The following VSX2 variants were observed in gnomAD, a reference collection of about 807,000 sequenced individuals.
The protein encoded by VSX2 is ceh-10 homeo domain containing homolog.
VSX2 carries 28 observed loss-of-function variants against 32.1 expected under a neutral mutation model. The observed-to-expected ratio is 0.87, with a 90% CI of 0.65 to 1.20. The LOEUF is 1.20. VSX2 is among the 50% of genes most tolerant of loss of function. The pLI is 0.00. For missense variants in VSX2, 506 were observed against 488.7 expected, an observed-to-expected ratio of 1.04 and a Z score of -0.33; for synonymous variants, 243 against 214.1, an observed-to-expected ratio of 1.14 and a Z score of -1.18.
Position 74,239,515 on chromosome 14 carries a change from G to T in VSX2, c.-47G>T. The T allele has an allele frequency of 1.9e-6, 3 of 1,549,256 alleles. No homozygotes were observed. Among genetic ancestry groups the T allele is most frequent in the South Asian group, 1.2e-5 (1 of 83,960 alleles). ...AAGCGGGAAGCCCGGCGGGGGGGTG[G>T]GGGGAGCTAAAGACCTGCGGCCTCA... is the stretch of plus-strand genomic sequence containing the variant. On this transcript the variant is annotated 5_prime_UTR_variant, in exon 1 of 5. Coordinates refer to ENST00000261980, the MANE Select transcript of VSX2 (RefSeq NM_182894.3).
At chr14:74,248,346 A>AC (rs1280075805) in intron 3 of VSX2, among the ~76,000 whole-genome samples, 2 of 139,078 alleles carry the variant, frequency 1.4e-5, no homozygotes, top group African/African-American at 2.6e-5. Flanking sequence ...AAAAAAAAAA[A>AC]AAAAACAAAA....
chr14:74,260,427 C>T (rs1423166550), intron 4 of VSX2, among the ~76,000 whole-genome samples, 167 bp from the exon 5 acceptor site: 3 of 152,218 alleles, frequency 2.0e-5, no homozygotes, highest in Non-Finnish European at 4.4e-5. Flanking sequence ...GACCCATCTC[C>T]CCATTCCCTG....
At position 74,245,172 on chromosome 14, in the gene VSX2, T is replaced by C. The variant is rs752801719; in HGVS notation, c.463T>C (p.Phe155Leu). ...CGGTCTTGCTCCCCTCAGGACAATC[T>C]TTACCTCCTACCAGCTAGAGGAGCT... Reference protein sequence around the residue: ...KRKKRRHRTIFTSYQLEELEK... With the variant: ...KRKKRRHRTILTSYQLEELEK... The change falls in exon 3 of 5, where the codon TTT (phenylalanine) becomes CTT (leucine). Residue 155 changes from phenylalanine to leucine, a missense_variant. By Grantham distance (22) the Phe-to-Leu change is conservative. Coordinates refer to ENST00000261980, the MANE Select transcript of VSX2 (RefSeq NM_182894.3). 6.2e-7 allele frequency: 1 copy of C among 1,613,652 alleles called. No homozygotes were observed. Among genetic ancestry groups the C allele is most frequent in the South Asian group, 1.1e-5 (1 of 91,032 alleles).
intron 2 of VSX2, among the ~76,000 whole-genome samples, chr14:74,244,925 T>TGA (rs1161610243): frequency 2.7e-3 from 115 of 42,006 alleles, no homozygotes; most frequent in East Asian, 0.022. Context: ...TGTGTGTGTG[T>TGA]GTGTGAAAGA....
chr14:74,248,341 A>AAC (rs1555387992), intron 3 of VSX2, among the ~76,000 whole-genome samples: 4 of 139,204 alleles, frequency 2.9e-5, no homozygotes, highest in African/African-American at 1.0e-4. Flanking sequence ...GGCTAAAAAA[A>AAC]AAAAAAAAAA....
At chr14:74,246,588 T>C (rs909110001) in intron 3 of VSX2, among the ~76,000 whole-genome samples, 2 of 152,178 alleles carry the variant, frequency 1.3e-5, no homozygotes, top group African/African-American at 4.8e-5. Flanking sequence ...AAGCTGGGCG[T>C]TGATGTTGAA....
chr14:74,241,305 AC>A, intron 2 of VSX2, 39 bp downstream of exon 2: 2 of 1,596,820 alleles, frequency 1.3e-6, no homozygotes. Context: ...CTGCCCGCGC[AC>A]CCCGCTGCCG....
chr14:74,251,192 G>C (rs565130648), intron 3 of VSX2, among the ~76,000 whole-genome samples: 1 of 152,176 alleles, frequency 6.6e-6, no homozygotes, highest in Admixed American at 6.5e-5. Flanking sequence ...GCTCACACCT[G>C]TAATCCCAGC....
chr14:74,239,540 A>T lies in VSX2; in HGVS notation c.-22A>T. 1 of 1,550,636 alleles carries T rather than the reference A, an allele frequency of 6.4e-7. No individual in the cohort carries two copies. ...GGGGGAGCTAAAGACCTGCGGCCTC[A>T]GCCCCTCCAAAGAACAGGGAGATGA... On this transcript the variant is annotated 5_prime_UTR_variant, in exon 1 of 5. Transcript: ENST00000261980.
intron 3 of VSX2, among the ~76,000 whole-genome samples, chr14:74,246,626 T>C (rs944965518): frequency 1.3e-5 from 2 of 152,228 alleles, no homozygotes; most frequent in Non-Finnish European, 2.9e-5. Flanking sequence ...TGTGCGTGTG[T>C]GTAAGCCAAG....
intron 3 of VSX2, among the ~76,000 whole-genome samples, chr14:74,249,126 A>T (rs1337918130): frequency 6.6e-6 from 1 of 152,168 alleles, no homozygotes. Flanking sequence ...AGCAAGCCAA[A>T]CCCTGAGTCT....
At chr14:74,260,528 C>T (rs898305365) in intron 4 of VSX2, 66 bp from the exon 5 acceptor site, 94 of 1,479,572 alleles carry the variant, frequency 6.4e-5, no homozygotes, top group Middle Eastern at 1.7e-4. Context: ...CTATCTTTGC[C>T]GTTTTCAGTT....
At chr14:74,247,634 C>G (rs1292648557) in intron 3 of VSX2, among the ~76,000 whole-genome samples, 1 of 152,174 alleles carries the variant, frequency 6.6e-6, no homozygotes, top group African/African-American at 2.4e-5. Flanking sequence ...AGACACAAGA[C>G]TCAAACCTAA....
chr14:74,251,528 G>T (rs1242942300), intron 3 of VSX2, among the ~76,000 whole-genome samples: 1 of 152,220 alleles, frequency 6.6e-6, no homozygotes, highest in Non-Finnish European at 1.5e-5. Flanking sequence ...CTCTCTAGGT[G>T]ATTCTGTGTG....
chr14:74,243,034 G>A (rs2079161353), intron 2 of VSX2, among the ~76,000 whole-genome samples: 1 of 152,148 alleles, frequency 6.6e-6, no homozygotes, highest in Admixed American at 6.5e-5. Flanking sequence ...TTCTATTTCT[G>A]TTGCATGAAG....
At position 74,259,688 on chromosome 14, in the gene VSX2, C is replaced by T. The variant is rs373242858; in HGVS notation, c.666C>T (p.Tyr222=). 6.3e-5 allele frequency: 102 copies of T among 1,613,994 alleles called. No individual in the cohort carries two copies. Among genetic ancestry groups the T allele is most frequent in the Non-Finnish European group, 7.8e-5 (92 of 1,179,980 alleles). ...GTGTCATGGCGGAGTATGGGCTCTA[C>T]GGGGCCATGGTGCGGCACTCCATCC... ...RSSVMAEYGL[Y]GAMVRHSIPL... The change falls in exon 4 of 5, where the codon TAC becomes TAT. Residue 222 remains tyrosine (Y), a synonymous_variant. Coordinates refer to ENST00000261980, the MANE Select transcript of VSX2 (RefSeq NM_182894.3).
chr14:74,259,362 C>T (rs2079288139), intron 3 of VSX2, among the ~76,000 whole-genome samples: 1 of 152,072 alleles, frequency 6.6e-6, no homozygotes, highest in Non-Finnish European at 1.5e-5. Flanking sequence ...CTGCAAGACC[C>T]TGTCCAGGAA....
In VSX2 at chr14:74,261,117, A is replaced by G; in HGVS notation, c.*198A>G. 1 of 620,232 alleles carries G rather than the reference A, an allele frequency of 1.6e-6. No homozygotes were observed. The highest frequency in any genetic ancestry group is 2.8e-6 in the Non-Finnish European group (1 of 357,348). The allele number at this position is 620,232 out of a possible 1,614,324, so 38.4% of individuals were successfully genotyped here. A position where few individuals can be genotyped will look rare whatever the true frequency, so the allele number is the denominator to read the frequency against. ...GACCATGCTGAGACATCCCTCATCTAGTCTTGACCTCTCCAGCATCCCAGC... is the reference window on the plus strand; with the variant it reads ...GACCATGCTGAGACATCCCTCATCTGGTCTTGACCTCTCCAGCATCCCAGC... On this transcript the variant is annotated 3_prime_UTR_variant, in exon 5 of 5. Transcript: ENST00000261980.
intron 3 of VSX2, among the ~76,000 whole-genome samples, chr14:74,246,232 G>T (rs1387916006): frequency 6.6e-6 from 1 of 152,210 alleles, no homozygotes; most frequent in Non-Finnish European, 1.5e-5. Flanking sequence ...CGGAGGCTGG[G>T]GTGTGTGGGC....
Sources: allele counts gnomAD v4.1 joint callset (sites outside exome capture counted in the v4.1 genomes callset), GRCh38; gene constraint gnomAD v4.1.1; transcripts MANE v1.5; gene names NCBI Gene and HGNC (gene_info 2026-07-23, HGNC 2026-07-21).